Variants in RARB observed in about 807,000 individuals in gnomAD.
RARB encodes retinoic acid receptor beta.
A neutral mutation model predicts 51.9 loss-of-function variants in RARB; 17 were observed. The ratio of observed to expected loss-of-function variants is 0.33; its 90% confidence interval spans 0.22 to 0.49. The LOEUF is 0.49. Ranked by LOEUF, RARB falls within the 20% of genes least tolerant of loss-of-function variation. The pLI is 0.99. For synonymous variants in RARB, 215 were observed against 195.4 expected (o/e 1.10, Z -0.84); for missense variants, 369 against 550.8 (o/e 0.67, Z 3.30).
intron 5 of RARB, among the ~76,000 whole-genome samples, chr3:25,175,153 T>G (rs189042521): frequency 6.6e-6 from 1 of 152,348 alleles, no homozygotes; most frequent in Admixed American, 6.5e-5. Context: ...CTGTATAAGG[T>G]ACTATAAAAT....
chr3:25,535,299 G>A (rs1005912666), intron 3 of RARB, among the ~76,000 whole-genome samples: 4 of 152,056 alleles, frequency 2.6e-5, no homozygotes, highest in Non-Finnish European at 4.4e-5. Context: ...TGATGTCAGG[G>A]CAGTATTGTC....
rs145612752 is a variant in RARB, at chr3:25,366,236, G to A, written c.179-94957G>A. Among the ~76,000 whole-genome samples the A allele has an allele frequency of 3.9e-3, 596 of 152,258 alleles. 2 individuals are homozygous for A. The highest frequency in any genetic ancestry group is 0.013 in the African/African-American group (555 of 41,556). On this transcript the variant is annotated intron_variant, in intron 5 of 11. Transcript: ENST00000383772. ...TGGGAAAGTGTTGCTCAAAGAGATC[G>A]AGAAATTTACTGTGTTCTCAAGGCT...
At chr3:25,239,834 T>A (rs766956184) in intron 5 of RARB, among the ~76,000 whole-genome samples, 39 of 152,124 alleles carry the variant, frequency 2.6e-4, no homozygotes, top group Non-Finnish European at 5.4e-4. Flanking sequence ...AAAAATTACA[T>A]TGGTATTTTG....
At chr3:24,868,746 G>A (rs1020144638) in intron 2 of RARB, among the ~76,000 whole-genome samples, 8 of 152,114 alleles carry the variant, frequency 5.3e-5, no homozygotes, top group Non-Finnish European at 1.0e-4. Context: ...TCCACAACCC[G>A]TTATCTTAAC....
chr3:25,457,251 A>T (rs750128727), intron 1 of RARB, among the ~76,000 whole-genome samples: 2 of 152,120 alleles, frequency 1.3e-5, no homozygotes, highest in Non-Finnish European at 2.9e-5. Context: ...TTGTTGGTTT[A>T]TTCTCTATTA....
chr3:24,989,866 C>G lies in RARB; in HGVS notation c.-379-70259C>G, dbSNP rs1464116028. 3.7e-5 allele frequency among the ~76,000 whole-genome samples: 3 copies of G among 81,514 alleles called. No individual in the cohort carries two copies. In the Admixed American group the frequency reaches 5.7e-4, roughly 15 times the overall value. 53.5% of individuals were successfully genotyped at this position (81,514 alleles called of 152,430 possible). On this transcript the variant is annotated intron_variant, in intron 2 of 11. Coordinates refer to the RARB transcript ENST00000383772. The stretch of plus-strand genomic sequence containing the variant: ...GGACTGCGGACTGCAGTGGCGCAAT[C>G]TCGGCTCACTGCAAGCTCCCCTTCC...
At chr3:25,547,722 G>A (rs1699671373) in intron 3 of RARB, among the ~76,000 whole-genome samples, 1 of 152,156 alleles carries the variant, frequency 6.6e-6, no homozygotes, top group African/African-American at 2.4e-5. Context: ...GTTTATGGAT[G>A]GATGTATGGA....
chr3:24,835,505 C>T (rs897755419), intron 1 of RARB, among the ~76,000 whole-genome samples: 1 of 152,174 alleles, frequency 6.6e-6, no homozygotes, highest in Admixed American at 6.5e-5. Flanking sequence ...ATGTGCCAGA[C>T]TCTGTACTAA....
intron 5 of RARB, among the ~76,000 whole-genome samples, chr3:25,223,077 A>G (rs1575232182): frequency 6.6e-6 from 1 of 152,208 alleles, no homozygotes; most frequent in African/African-American, 2.4e-5. Context: ...ATAAATTTTG[A>G]TAAATCTAGA....
At chr3:25,494,953 G>A (rs1381816154) in intron 2 of RARB, among the ~76,000 whole-genome samples, 1 of 152,132 alleles carries the variant, frequency 6.6e-6, no homozygotes, top group Non-Finnish European at 1.5e-5. Context: ...TCCCTCTTTG[G>A]ATACACAAAG....
chr3:25,104,104 T>C (rs62230274), intron 3 of RARB, among the ~76,000 whole-genome samples: 6,254 of 152,200 alleles, frequency 0.041, 168 homozygotes, highest in Middle Eastern at 0.075. Context: ...TATTTGAAAA[T>C]ATATCAAAAA....
intron 2 of RARB, among the ~76,000 whole-genome samples, chr3:24,917,606 C>G (rs938156519): frequency 2.4e-4 from 37 of 152,268 alleles, no homozygotes; most frequent in African/African-American, 8.7e-4. Flanking sequence ...TCTCTGCTCA[C>G]TGCAACCTCT....
At chr3:25,449,752 C>T in intron 1 of RARB, among the ~76,000 whole-genome samples, 1 of 125,852 alleles carries the variant, frequency 7.9e-6, no homozygotes, top group Admixed American at 8.2e-5. Flanking sequence ...CTCTTTCTCT[C>T]TCTCTTTTTT....
chr3:25,183,031 G>T (rs1366862382), intron 5 of RARB, among the ~76,000 whole-genome samples: 1 of 152,090 alleles, frequency 6.6e-6, no homozygotes, highest in African/African-American at 2.4e-5. Context: ...CAGCACCTTG[G>T]TTTTGGACTT....
intron 5 of RARB, chr3:25,259,971 AC>A (rs1702956827): frequency 2.2e-5 from 22 of 985,320 alleles, no homozygotes; most frequent in Non-Finnish European, 2.7e-5. Flanking sequence ...TGTGGAGCCA[AC>A]TTCTCAGCCA....
chr3:24,999,618 A>C (rs1697116567), intron 2 of RARB, among the ~76,000 whole-genome samples: 1 of 152,212 alleles, frequency 6.6e-6, no homozygotes, highest in South Asian at 2.1e-4. Flanking sequence ...GCCCAAATTC[A>C]AGACCAACAA....
chr3:25,105,790 T>C (rs1699488350), intron 3 of RARB, among the ~76,000 whole-genome samples: 1 of 152,228 alleles, frequency 6.6e-6, no homozygotes, highest in Non-Finnish European at 1.5e-5. Flanking sequence ...ATTGCTATTA[T>C]AAAGAAAATC....
At chr3:24,872,646 G>T (rs1056290271) in intron 2 of RARB, among the ~76,000 whole-genome samples, 2 of 152,052 alleles carry the variant, frequency 1.3e-5, no homozygotes, top group African/African-American at 4.8e-5. Flanking sequence ...GCTCTCACGT[G>T]AATAGATGGA....
intron 2 of RARB, among the ~76,000 whole-genome samples, chr3:25,021,218 C>T (rs1029814364): frequency 6.6e-6 from 1 of 152,172 alleles, no homozygotes; most frequent in Admixed American, 6.5e-5. Context: ...TTTAATTTTA[C>T]ATCCTAAAGC....
Sources: gnomAD v4.1 joint callset for allele counts (sites outside exome capture counted in the v4.1 genomes callset) on GRCh38, gnomAD v4.1.1 for gene constraint, MANE v1.5 for transcripts, NCBI Gene and HGNC (gene_info 2026-07-23, HGNC 2026-07-21) for gene names.